SF3A1: variants seen among roughly 807,000 people sequenced by gnomAD.
SF3A1 encodes SAP 114.
A neutral mutation model predicts 89.9 loss-of-function variants in SF3A1; 13 were observed. The observed-to-expected ratio is 0.14, with a 90% CI of 0.09 to 0.23. The LOEUF is 0.23. Among genes scored for constraint, SF3A1 ranks in the 10% least tolerant of loss-of-function variants. SF3A1 has a pLI of 1.00. For synonymous variants in SF3A1, 405 were observed against 374.4 expected, an observed-to-expected ratio of 1.08 and a Z score of -0.94; for missense variants, 604 against 1,022.1, an observed-to-expected ratio of 0.59 and a Z score of 5.58.
At chr22:30,339,771 T>C (rs1020451956) in intron 9 of SF3A1, among the ~76,000 whole-genome samples, 10 of 151,942 alleles carry the variant, frequency 6.6e-5, no homozygotes, top group African/African-American at 2.4e-4. Flanking sequence ...ATAAAACACA[T>C]AAATAAATAA....
chr22:30,337,685 C>A lies in SF3A1; in HGVS notation c.1951+5G>T. ...GGCCTGGAAAATGATGCAAGAGATA[C>A]TGACCTGTTGGCACAATCATGGGGG... is the stretch of plus-strand genomic sequence containing the variant. On this transcript the variant is annotated splice_donor_5th_base_variant and intron_variant, in intron 12 of 15. Coordinates refer to ENST00000215793, the MANE Select transcript of SF3A1 (RefSeq NM_005877.6). 1.6e-6 allele frequency: 2 copies of A among 1,221,898 alleles called. No homozygotes were observed. The highest frequency in any genetic ancestry group is 2.3e-6 in the Non-Finnish European group (2 of 867,694). The allele number at this position is 1,221,898 out of a possible 1,614,324, so 75.7% of individuals were successfully genotyped here.
chr22:30,336,966 G>A (rs772012246), intron 13 of SF3A1, 60 bp downstream of exon 13: 142 of 1,601,410 alleles, frequency 8.9e-5, no homozygotes, highest in South Asian at 1.1e-4. Flanking sequence ...GCAAGTGTAC[G>A]ACAGGGGCGG....
intron 11 of SF3A1, among the ~76,000 whole-genome samples, 195 bp from the exon 12 acceptor site, chr22:30,338,092 C>T (rs370081201): frequency 1.3e-5 from 2 of 152,172 alleles, no homozygotes; most frequent in Admixed American, 1.3e-4. Flanking sequence ...GAGGATGACA[C>T]TCTCTCTACT....
At chr22:30,334,806 G>C in intron 15 of SF3A1, 111 bp from the exon 16 acceptor site, 1 of 702,706 alleles carries the variant, frequency 1.4e-6, no homozygotes, top group Non-Finnish European at 2.4e-6. Flanking sequence ...AGCAAATACA[G>C]GAGCTTGTGA....
intron 3 of SF3A1, among the ~76,000 whole-genome samples, chr22:30,345,860 C>G (rs758367917): frequency 6.6e-6 from 1 of 152,108 alleles, no homozygotes; most frequent in Non-Finnish European, 1.5e-5. Flanking sequence ...AAGGTGGTAT[C>G]AGGGGAGGCC....
intron 2 of SF3A1, among the ~76,000 whole-genome samples, chr22:30,351,439 C>T (rs1478221226): frequency 6.6e-6 from 1 of 152,190 alleles, no homozygotes; most frequent in Non-Finnish European, 1.5e-5. Flanking sequence ...CCCTGGAGAA[C>T]ACATGCTGAT....
At chr22:30,335,375 C>A in intron 15 of SF3A1, 92 bp downstream of exon 15, 1 of 1,084,304 alleles carries the variant, frequency 9.2e-7, no homozygotes, top group Non-Finnish European at 1.4e-6. Flanking sequence ...GATATCACTC[C>A]ACTCCCCTTT....
intron 4 of SF3A1, among the ~76,000 whole-genome samples, chr22:30,344,530 T>TG (rs1376702947): frequency 6.6e-6 from 1 of 152,142 alleles, no homozygotes; most frequent in East Asian, 1.9e-4. Context: ...TTCTCAAACA[T>TG]GGGGGGAAAA....
At position 30,339,127 on chromosome 22, in the gene SF3A1, C is replaced by T; in HGVS notation, c.1497+3G>A. On this transcript the variant is annotated splice_donor_region_variant and intron_variant, in intron 10 of 15. Transcript: ENST00000215793. The stretch of plus-strand genomic sequence containing the variant: ...AAGGCACTAGGTTCCACTTTAGCCG[C>T]ACCTTTTCCTCTGGCTTCTGGATCT... 1.2e-6 allele frequency: 2 copies of T among 1,614,156 alleles called. No homozygotes were observed. Among genetic ancestry groups the T allele is most frequent in the Non-Finnish European group, 1.7e-6 (2 of 1,180,028 alleles).
In SF3A1 at chr22:30,339,178, G is replaced by T. The variant is rs756291726; in HGVS notation, c.1449C>A (p.Ala483=). 4 of 1,614,166 alleles carry T rather than the reference G, an allele frequency of 2.5e-6. No individual in the cohort carries two copies. The South Asian group carries it at 4.4e-5, about 18-fold the overall frequency. ...CCTCCTCACCGATCTTCTTACCAATGGCTGTTTCCTCTACACCGAAGATGT... is the reference window on the plus strand; with the variant it reads ...CCTCCTCACCGATCTTCTTACCAATTGCTGTTTCCTCTACACCGAAGATGT... ...RTDIFGVEET[A]IGKKIGEEEI... is the part of the protein sequence containing the mutation. The change falls in exon 10 of 16, where the codon GCC becomes GCA. Residue 483 remains alanine (A), a synonymous_variant. Transcript: ENST00000215793.
chr22:30,343,122 G>C (rs537097404), intron 4 of SF3A1, among the ~76,000 whole-genome samples: 2 of 152,114 alleles, frequency 1.3e-5, no homozygotes, highest in Admixed American at 1.3e-4. Context: ...AGGTGGCTTC[G>C]AGGATTAGCA....
At position 30,342,137 on chromosome 22, in the gene SF3A1, C is replaced by A; in HGVS notation, c.877+63G>T. The A allele has an allele frequency of 2.5e-6, 4 of 1,583,284 alleles. No individual in the cohort carries two copies. The South Asian group carries it at 4.4e-5, about 18-fold the overall frequency. ...CTACTGCTCTCTGGGAACACCTGCACCAGGTTTCCCGGGAAGTCTGAGTTC... is the reference window on the plus strand; with the variant it reads ...CTACTGCTCTCTGGGAACACCTGCAACAGGTTTCCCGGGAAGTCTGAGTTC... On this transcript the variant is annotated intron_variant, in intron 6 of 15. Transcript: ENST00000215793.
At position 30,334,665 on chromosome 22, in the gene SF3A1, C is replaced by A. The variant is rs745974341; in HGVS notation, c.2311G>T (p.Ala771Ser). Residue 771 changes from alanine to serine, a missense_variant, in exon 16 of 16, where the codon GCT becomes TCT. Ala to Ser is a moderately conservative substitution (Grantham distance 99). Transcript: ENST00000215793. ...GCGCCATTGGCCATGTTGTAGTAAG[C>A]CAGTGAGTTGGAATCTTTGATGAAG... Reference protein sequence around the residue: ...GIFIKDSNSLAYYNMANGAVI... With the variant: ...GIFIKDSNSLSYYNMANGAVI... 6.3e-7 allele frequency: 1 copy of A among 1,593,648 alleles called. No individual in the cohort carries two copies. Among genetic ancestry groups the A allele is most frequent in the Admixed American group, 1.8e-5 (1 of 54,784 alleles).
intron 3 of SF3A1, among the ~76,000 whole-genome samples, chr22:30,345,975 G>A (rs1451566978): frequency 6.6e-6 from 1 of 152,096 alleles, no homozygotes. Context: ...AGGAAGTGCT[G>A]CCCTCACATC....
intron 11 of SF3A1, among the ~76,000 whole-genome samples, chr22:30,338,134 C>T (rs371534145): frequency 5.9e-5 from 9 of 152,114 alleles, no homozygotes; most frequent in African/African-American, 2.2e-4. Context: ...CGACCTGCTA[C>T]TTTGGCAAAC....
At chr22:30,354,741 C>T (rs1318627587) in intron 1 of SF3A1, among the ~76,000 whole-genome samples, 1 of 152,192 alleles carries the variant, frequency 6.6e-6, no homozygotes, top group African/African-American at 2.4e-5. Flanking sequence ...CTCTCTCTTC[C>T]TCAGCTTCCA....
intron 2 of SF3A1, among the ~76,000 whole-genome samples, chr22:30,352,208 G>A (rs191355007): frequency 4.1e-4 from 62 of 152,202 alleles, no homozygotes; most frequent in African/African-American, 1.4e-3. Flanking sequence ...ACAGGACTGT[G>A]GGGAGAGACA....
At chr22:30,349,671 T>C (rs1488821904) in intron 2 of SF3A1, among the ~76,000 whole-genome samples, 12 of 150,884 alleles carry the variant, frequency 8.0e-5, no homozygotes, top group Admixed American at 6.6e-5. Context: ...TCTTTCTTTT[T>C]TTTTTTTTTT....
At chr22:30,342,784 A>T (rs1372463986) in intron 5 of SF3A1, 21 bp downstream of exon 5, 22 of 1,519,360 alleles carry the variant, frequency 1.4e-5, no homozygotes, top group Non-Finnish European at 1.7e-5. Context: ...AACTGGTTGC[A>T]AGAAATGCTA....
Sources: gnomAD v4.1 joint callset for allele counts (sites outside exome capture counted in the v4.1 genomes callset) on GRCh38, gnomAD v4.1.1 for gene constraint, MANE v1.5 for transcripts, NCBI Gene and HGNC (gene_info 2026-07-23, HGNC 2026-07-21) for gene names.